The following PITPNM2 variants were observed in gnomAD, a reference collection of about 807,000 sequenced individuals.
PITPNM2 encodes phosphatidylinositol transfer protein membrane associated 2, also known as membrane-associated phosphatidylinositol transfer protein 2.
In PITPNM2, 35 loss-of-function variants were observed where a neutral mutation model predicts 132.2. The ratio of observed to expected loss-of-function variants is 0.26; its 90% CI spans 0.20 to 0.35. The LOEUF is 0.35. PITPNM2 is among the 10% of genes least tolerant of loss of function. The pLI, the probability that PITPNM2 is intolerant of heterozygous loss-of-function variation, is 1.00. For synonymous variants in PITPNM2, 738 were observed against 799.2 expected (o/e 0.92, Z 1.29); for missense variants, 1,332 against 1,912.0 (o/e 0.70, Z 5.66).
chr12:123,118,222 A>G (rs2042966790), intron 1 of PITPNM2, among the ~76,000 whole-genome samples: 1 of 152,232 alleles, frequency 6.6e-6, no homozygotes, highest in South Asian at 2.1e-4. Flanking sequence ...GCTGAGGTCT[A>G]ATCTTAGCCT....
rs939898243 is a variant in PITPNM2 at position 122,997,498 on chromosome 12, G to A, written c.1299C>T (p.Thr433=). ...GGTCCCCGGCGCCTGTGTCCAGGAT[G>A]GTGCCTCCGTGCAGCACCAGTAGCA... The part of the protein sequence containing the change: ...HVLLLVLHGG[T]ILDTGAGDPS... Residue 433 remains threonine, a synonymous_variant, in exon 11 of 26, where the codon ACC becomes ACT. Transcript: ENST00000320201. 1 of 1,613,522 alleles carries A rather than the reference G, an allele frequency of 6.2e-7. No homozygotes were observed. Among genetic ancestry groups the A allele is most frequent in the Non-Finnish European group, 8.5e-7 (1 of 1,180,008 alleles).
chr12:123,065,767 G>A (rs1177338861), intron 2 of PITPNM2, among the ~76,000 whole-genome samples: 1 of 152,162 alleles, frequency 6.6e-6, no homozygotes, highest in Non-Finnish European at 1.5e-5. Context: ...TCCCCAAGGT[G>A]GTCTGTTGGT....
At chr12:123,073,136 C>T (rs1326977683) in intron 2 of PITPNM2, among the ~76,000 whole-genome samples, 1 of 152,196 alleles carries the variant, frequency 6.6e-6, no homozygotes, top group Non-Finnish European at 1.5e-5. Context: ...AGGTACAAAC[C>T]CTCTGCTATT....
In PITPNM2 at chr12:123,036,645, G is replaced by A. The variant is rs897925166; in HGVS notation, c.-95-1960C>T. Reference sequence around the variant, plus strand: ...AAACTGCACCCAACATCTGCTGGCTGTAGATAAGATAACCCTGGATCCCAG... The same window carrying A: ...AAACTGCACCCAACATCTGCTGGCTATAGATAAGATAACCCTGGATCCCAG... On this transcript the variant is annotated intron_variant, in intron 2 of 25. Transcript: ENST00000320201. This position sits in a 1 kb window ranked among gnomAD's most constrained non-coding sequence, Gnocchi z 4.1. Among the ~76,000 whole-genome samples the A allele has an allele frequency of 2.6e-5, 4 of 152,234 alleles. No individual in the cohort carries two copies. Among genetic ancestry groups the A allele is most frequent in the Admixed American group, 6.5e-5 (1 of 15,286 alleles).
rs368243530 is a variant in PITPNM2, at chr12:122,986,623, T to TGCCCC, written c.3597+18_3597+22dup. 160 of 1,592,466 alleles carry TGCCCC rather than the reference T, an allele frequency of 1.0e-4. 1 individual carries two copies. The African/African-American group carries it at 1.3e-3, about 13-fold the overall frequency. ...GGTCCCTCTGCCCCCACCCCTGCCC[T>TGCCCC]GCCCCATCCTCCCGGGCCCCACCTC... On this transcript the variant is annotated intron_variant, in intron 24 of 25. Transcript: ENST00000320201.
At chr12:123,071,070 G>A (rs1433257908) in intron 2 of PITPNM2, among the ~76,000 whole-genome samples, 1 of 152,224 alleles carries the variant, frequency 6.6e-6, no homozygotes, top group East Asian at 1.9e-4. Context: ...GGGTCTGCCT[G>A]GCTCAGTGTC....
At chr12:123,038,879 T>C (rs2136507335) in intron 2 of PITPNM2, among the ~76,000 whole-genome samples, 1 of 152,262 alleles carries the variant, frequency 6.6e-6, no homozygotes, top group East Asian at 1.9e-4. Context: ...GCAGGAGGAT[T>C]ACCTGAGCCC....
intron 23 of PITPNM2, 124 bp from the exon 24 acceptor site, chr12:122,986,953 G>A: frequency 4.0e-6 from 5 of 1,248,024 alleles, no homozygotes; most frequent in Non-Finnish European, 5.4e-6. Flanking sequence ...AGACAGTAAC[G>A]ACGACAATGG....
chr12:123,125,601 T>C (rs912102700), intron 1 of PITPNM2, among the ~76,000 whole-genome samples: 3 of 151,804 alleles, frequency 2.0e-5, no homozygotes, highest in African/African-American at 7.3e-5. Context: ...TCCCAGCACT[T>C]TGGGAGGCCG....
At chr12:123,025,778 CT>C (rs1387603579) in intron 3 of PITPNM2, among the ~76,000 whole-genome samples, 5 of 152,194 alleles carry the variant, frequency 3.3e-5, no homozygotes, top group African/African-American at 1.2e-4. Context: ...TTCCTGGATG[CT>C]CTAAGCTCCC....
intron 2 of PITPNM2, among the ~76,000 whole-genome samples, chr12:123,049,347 G>C (rs1048757903): frequency 6.6e-6 from 1 of 152,090 alleles, no homozygotes; most frequent in Non-Finnish European, 1.5e-5. Context: ...GCAGAACTTT[G>C]TGCATCCCTC....
chr12:122,986,200 G>A lies in PITPNM2; in HGVS notation c.3877C>T (p.Leu1293=), dbSNP rs1215886709. The change falls in exon 26 of 26, where the codon CTG becomes TTG. Residue 1293 remains leucine (L), a synonymous_variant. Transcript: ENST00000320201. ...GGCTGGGCCGAGATGGTGCGAAGCA[G>A]GTGGTTCCGGGAGCGCAGAAAGTCG... is the stretch of plus-strand genomic sequence containing the variant. ...QGDFLRSRNH[L]LRTISAQPSG... The A allele has an allele frequency of 1.3e-6, 2 of 1,557,440 alleles. No individual in the cohort carries two copies. The highest frequency in any genetic ancestry group is 1.2e-5 in the South Asian group (1 of 85,306).
Position 123,108,855 on chromosome 12 carries a change from T to C in PITPNM2, c.-96+1530A>G, listed in dbSNP as rs2042776486. The stretch of plus-strand genomic sequence containing the variant: ...GGGCACCCGGAGAAGGGAAGGGACT[T>C]ACCCGAGATCAGACAGCAAGTAACA... On this transcript the variant is annotated intron_variant, in intron 2 of 25. Coordinates refer to ENST00000320201, the MANE Select transcript of PITPNM2 (RefSeq NM_020845.3). This position sits in a 1 kb window ranked among gnomAD's most constrained non-coding sequence, Gnocchi z 4.4. Among the ~76,000 whole-genome samples, 1 of 152,052 alleles carries C rather than the reference T, an allele frequency of 6.6e-6. No homozygotes were observed. Among genetic ancestry groups the C allele is most frequent in the African/African-American group, 2.4e-5 (1 of 41,402 alleles).
intron 2 of PITPNM2, among the ~76,000 whole-genome samples, chr12:123,061,848 T>C (rs1451347470): frequency 6.6e-6 from 1 of 152,096 alleles, no homozygotes; most frequent in African/African-American, 2.4e-5. Flanking sequence ...TGCCAGTGGC[T>C]TCAGAGAGTT....
At chr12:123,096,677 A>G (rs1211299794) in intron 2 of PITPNM2, among the ~76,000 whole-genome samples, 1 of 152,212 alleles carries the variant, frequency 6.6e-6, no homozygotes, top group Non-Finnish European at 1.5e-5. Flanking sequence ...ACTAGCCTAA[A>G]CAAGGGTCCC....
chr12:123,086,877 T>G (rs2042127432), intron 2 of PITPNM2, among the ~76,000 whole-genome samples: 1 of 152,076 alleles, frequency 6.6e-6, no homozygotes, highest in South Asian at 2.1e-4. Flanking sequence ...TAGGGAAAGG[T>G]CTCAGAGCAG....
At chr12:123,034,323 C>A in intron 3 of PITPNM2, 190 bp downstream of exon 3, 1 of 562,974 alleles carries the variant, frequency 1.8e-6, no homozygotes. Context: ...ATGCCGTGCG[C>A]CCATGGTGTG....
chr12:123,133,970 C>T (rs560627006), intron 1 of PITPNM2, among the ~76,000 whole-genome samples: 32 of 152,112 alleles, frequency 2.1e-4, no homozygotes, highest in Non-Finnish European at 4.6e-4. Context: ...CGTGAGCCAC[C>T]GCATCCGGCC....
At position 123,035,971 on chromosome 12, in the gene PITPNM2, G is replaced by A. The variant is rs372574287; in HGVS notation, c.-95-1286C>T. 8.5e-5 allele frequency among the ~76,000 whole-genome samples: 13 copies of A among 152,152 alleles called. 1 individual carries two copies. The East Asian group carries it at 1.7e-3, about 20-fold the overall frequency. On this transcript the variant is annotated intron_variant, in intron 2 of 25. Coordinates refer to ENST00000320201, the MANE Select transcript of PITPNM2 (RefSeq NM_020845.3). ...TCTCCTGGGCTCAAGCTATCCTTCTGCCTCAGCCTCCAGAGTAGCTGGGAC... is the reference window on the plus strand; with the variant it reads ...TCTCCTGGGCTCAAGCTATCCTTCTACCTCAGCCTCCAGAGTAGCTGGGAC...
Sources: gnomAD v4.1 joint callset for allele counts (sites outside exome capture counted in the v4.1 genomes callset) on GRCh38, gnomAD v4.1.1 for gene constraint, Gnocchi (gnomAD v3.1) non-coding constraint, MANE v1.5 for transcripts, NCBI Gene and HGNC (gene_info 2026-07-23, HGNC 2026-07-21) for gene names.